The following WWOX variants were observed in gnomAD, a reference collection of about 807,000 sequenced individuals.
WWOX encodes WW domain containing oxidoreductase.
A neutral mutation model predicts 46.2 loss-of-function variants in WWOX; 69 were observed. That is an observed-to-expected ratio of 1.49 (90% confidence interval 1.23 to 1.82). The LOEUF is 1.82. Among genes scored for constraint, WWOX ranks in the 40% most tolerant of loss-of-function variants. The pLI is 0.00. For synonymous variants in WWOX, 359 were observed against 202.6 expected (o/e 1.77, Z -6.56); for missense variants, 919 against 542.6 (o/e 1.69, Z -6.89).
chr16:79,031,709 G>C (rs1258524201), intron 8 of WWOX, among the ~76,000 whole-genome samples: 4 of 145,410 alleles, frequency 2.8e-5, no homozygotes, highest in African/African-American at 1.0e-4. Context: ...ATTTTTTCTA[G>C]TTTTTTTGTT....
intron 8 of WWOX, among the ~76,000 whole-genome samples, chr16:79,084,712 G>C (rs929106779): frequency 3.4e-5 from 5 of 148,164 alleles, no homozygotes; most frequent in Non-Finnish European, 6.0e-5. Flanking sequence ...CGCACCTGGA[G>C]GACAAGTAAT....
At chr16:79,164,260 C>G (rs1381025491) in intron 8 of WWOX, among the ~76,000 whole-genome samples, 1 of 152,194 alleles carries the variant, frequency 6.6e-6, no homozygotes, top group Non-Finnish European at 1.5e-5. Context: ...TACCACGCCA[C>G]TTAGCTCAGA....
chr16:78,194,967 T>A (rs1217769797), intron 5 of WWOX, among the ~76,000 whole-genome samples: 3 of 152,212 alleles, frequency 2.0e-5, no homozygotes, highest in African/African-American at 7.2e-5. Flanking sequence ...AGCAGGTCCT[T>A]TTTAAACATC....
chr16:78,387,918 T>C (rs1482173849), intron 6 of WWOX, among the ~76,000 whole-genome samples: 1 of 151,968 alleles, frequency 6.6e-6, no homozygotes, highest in East Asian at 1.9e-4. Context: ...AAGCTGCCTT[T>C]GGGTTAGGCT....
rs115322880 is a variant in WWOX, at chr16:79,064,616, A to T, written c.1057-146992A>T. On this transcript the variant is annotated intron_variant, in intron 8 of 8. Coordinates refer to ENST00000566780, the MANE Select transcript of WWOX (RefSeq NM_016373.4). ...GTTTTCCTGGAAAGACATGGAGCAA[A>T]GCAGTTATTTAGCCGTCCATCCGGC... Among the ~76,000 whole-genome samples the T allele has an allele frequency of 4.0e-3, 613 of 152,288 alleles. 6 individuals carry two copies. The highest frequency in any genetic ancestry group is 0.014 in the African/African-American group (578 of 41,560).
chr16:78,981,301 C>T (rs922335553), intron 8 of WWOX, among the ~76,000 whole-genome samples: 17 of 152,028 alleles, frequency 1.1e-4, no homozygotes, highest in Middle Eastern at 3.4e-3. Flanking sequence ...ATGATCTTTA[C>T]GGGAATAACC....
intron 8 of WWOX, among the ~76,000 whole-genome samples, chr16:78,492,469 A>G (rs1014734881): frequency 6.6e-5 from 10 of 152,130 alleles, no homozygotes; most frequent in Admixed American, 5.9e-4. Context: ...TCCAATCCAC[A>G]TTGGACTGTT....
intron 5 of WWOX, among the ~76,000 whole-genome samples, chr16:78,192,736 CT>C (rs1453835429): frequency 2.0e-5 from 3 of 151,974 alleles, no homozygotes; most frequent in African/African-American, 2.4e-5. Context: ...TTGACAGAAT[CT>C]TTTTTTAAAA....
chr16:78,217,706 C>G (rs1474183736), intron 5 of WWOX, among the ~76,000 whole-genome samples: 1 of 152,074 alleles, frequency 6.6e-6, no homozygotes, highest in African/African-American at 2.4e-5. Flanking sequence ...AGGCAAGATT[C>G]ATGCATTCTT....
chr16:78,647,310 A>C (rs1369030317), intron 8 of WWOX, among the ~76,000 whole-genome samples: 1 of 152,140 alleles, frequency 6.6e-6, no homozygotes, highest in African/African-American at 2.4e-5. Flanking sequence ...GGCCCGGCCC[A>C]GGCGAGGATG....
chr16:79,192,191 G>A (rs1248566977), intron 8 of WWOX, among the ~76,000 whole-genome samples: 1 of 152,228 alleles, frequency 6.6e-6, no homozygotes, highest in Non-Finnish European at 1.5e-5. Context: ...AATAGGGAAT[G>A]TGTGTATTTT....
At chr16:78,347,183 T>G (rs1194923232) in intron 5 of WWOX, among the ~76,000 whole-genome samples, 1 of 118,536 alleles carries the variant, frequency 8.4e-6, no homozygotes, top group African/African-American at 2.9e-5. Context: ...TCCTTCTCTT[T>G]CTAATTATCT....
chr16:78,417,448 T>C (rs1237528666), intron 6 of WWOX, among the ~76,000 whole-genome samples: 1 of 152,020 alleles, frequency 6.6e-6, no homozygotes, highest in Non-Finnish European at 1.5e-5. Flanking sequence ...TCATAATATA[T>C]GTCACGTAGG....
intron 8 of WWOX, among the ~76,000 whole-genome samples, chr16:79,143,487 G>T (rs2050128687): frequency 1.3e-5 from 2 of 152,176 alleles, no homozygotes; most frequent in African/African-American, 4.8e-5. Flanking sequence ...GACTTTAATA[G>T]ATTTTACTAG....
At chr16:78,909,643 C>G (rs1170855685) in intron 8 of WWOX, among the ~76,000 whole-genome samples, 1 of 152,188 alleles carries the variant, frequency 6.6e-6, no homozygotes. Flanking sequence ...TTTCAGAAAT[C>G]TTTCATTCCC....
chr16:79,081,553 C>T (rs2048760698), intron 8 of WWOX, among the ~76,000 whole-genome samples: 1 of 152,218 alleles, frequency 6.6e-6, no homozygotes, highest in African/African-American at 2.4e-5. Flanking sequence ...CTCAACTCTG[C>T]TATCTGCTCT....
chr16:78,458,230 C>T (rs985748655), intron 8 of WWOX, among the ~76,000 whole-genome samples: 1 of 149,786 alleles, frequency 6.7e-6, no homozygotes, highest in Non-Finnish European at 1.5e-5. Context: ...CTATTCCCTG[C>T]CAATTAATTA....
rs2034124462 is a variant in WWOX, at chr16:78,144,492, C to CATATATATATATATAT, written c.410-19690_410-19689insTATATATATATATATA. Among the ~76,000 whole-genome samples the CATATATATATATATAT allele has an allele frequency of 6.2e-4, 5 of 8,028 alleles. 1 individual carries two copies. The highest frequency in any genetic ancestry group is 3.8e-3 in the East Asian group (1 of 262). The allele number at this position is 8,028 out of a possible 152,430, so 5.3% of individuals were successfully genotyped here. A position where few individuals can be genotyped will look rare whatever the true frequency, so the allele number is the denominator to read the frequency against. ...ACATATATATATATATATATACACA[C>CATATATATATATATAT]ACACACACATATATATATATATATA... On this transcript the variant is annotated intron_variant, in intron 4 of 8. Transcript: ENST00000566780.
At chr16:78,667,259 G>T (rs2047352410) in intron 8 of WWOX, among the ~76,000 whole-genome samples, 1 of 152,180 alleles carries the variant, frequency 6.6e-6, no homozygotes, top group Non-Finnish European at 1.5e-5. Context: ...TATCTTTCTA[G>T]AAGCAGAGCT....
Sources: gnomAD v4.1 joint callset for allele counts (sites outside exome capture counted in the v4.1 genomes callset) on GRCh38, gnomAD v4.1.1 for gene constraint, MANE v1.5 for transcripts, NCBI Gene and HGNC (gene_info 2026-07-23, HGNC 2026-07-21) for gene names.